The following NBAS variants were observed in gnomAD, a reference collection of about 807,000 sequenced individuals.
NBAS encodes the protein NBAS subunit of NRZ tethering complex.
NBAS carries 219 observed loss-of-function variants against 302.5 expected under a neutral mutation model. That is an observed-to-expected ratio of 0.72 (90% CI 0.65 to 0.81). The LOEUF (loss-of-function observed/expected upper bound fraction) is 0.81. Ranked by LOEUF, NBAS falls within the 30% of genes least tolerant of loss-of-function variation. The pLI, the probability that NBAS is intolerant of heterozygous loss-of-function variation, is 0.00. For missense variants in NBAS, 2,932 were observed against 2,841.6 expected (o/e 1.03, Z -0.72); for synonymous variants, 1,118 against 1,021.6 (o/e 1.09, Z -1.80).
At chr2:15,490,953 G>C (rs1680831476) in intron 11 of NBAS, among the ~76,000 whole-genome samples, 1 of 152,152 alleles carries the variant, frequency 6.6e-6, no homozygotes, top group African/African-American at 2.4e-5. Flanking sequence ...GAAATGCTCT[G>C]AAAGCAAGAA....
chr2:15,048,286 C>A, the NBAS span, among the ~76,000 whole-genome samples: 1 of 152,194 alleles, frequency 6.6e-6, no homozygotes, highest in Non-Finnish European at 1.5e-5. Flanking sequence ...CCATCCGTGC[C>A]GGATGCTCTT....
In NBAS at chr2:15,402,189, C is replaced by T; in HGVS notation, c.3050G>A (p.Cys1017Tyr). The change falls in exon 26 of 52, where the codon TGT (cysteine) becomes TAT (tyrosine). Residue 1017 changes from cysteine (C) to tyrosine (Y), a missense_variant. By Grantham distance (194) the Cys-to-Tyr change is radical. Coordinates refer to ENST00000281513, the MANE Select transcript of NBAS (RefSeq NM_015909.4). The part of the protein sequence containing the change: ...QLCLCYDLLE[C>Y]LPERGYGDKT... ...TTACCCATATCCTCTTTCTGGCAGA[C>T]ATTCTAGTAGGTCATAGCAAAGACA... The T allele has an allele frequency of 6.2e-7, 1 of 1,613,576 alleles. No homozygotes were observed. The highest frequency in any genetic ancestry group is 8.5e-7 in the Non-Finnish European group (1 of 1,179,652).
At position 15,366,634 on chromosome 2, in the gene NBAS, A is replaced by G; in HGVS notation, c.3763T>C (p.Cys1255Arg). The change falls in exon 32 of 52, where the codon TGC (cysteine) becomes CGC (arginine). Residue 1255 changes from cysteine (C) to arginine (R), a missense_variant. Transcript: ENST00000281513. ...IKECISQSPT[C>R]YKQSTKLLGL... Reference sequence around the variant, plus strand: ...AGAAGCTTGGTGGATTGTTTATAGCATGTGGGGGACTGGGAAATACACTCC... The same window carrying G: ...AGAAGCTTGGTGGATTGTTTATAGCGTGTGGGGGACTGGGAAATACACTCC... 1 of 1,614,148 alleles carries G rather than the reference A, an allele frequency of 6.2e-7. No homozygotes were observed. The highest frequency in any genetic ancestry group is 8.5e-7 in the Non-Finnish European group (1 of 1,180,002).
chr2:15,481,186 C>T (rs1381656193), intron 12 of NBAS, among the ~76,000 whole-genome samples: 1 of 152,168 alleles, frequency 6.6e-6, no homozygotes, highest in Non-Finnish European at 1.5e-5. Context: ...GAGTCATATT[C>T]TATTGTATGG....
intron 41 of NBAS, among the ~76,000 whole-genome samples, chr2:15,290,507 G>A (rs1474884301): frequency 6.6e-6 from 1 of 152,124 alleles, no homozygotes. Context: ...ATGATATAAG[G>A]CACGCCCTGC....
At chr2:15,404,659 C>T (rs1676322629) in intron 25 of NBAS, among the ~76,000 whole-genome samples, 1 of 151,794 alleles carries the variant, frequency 6.6e-6, no homozygotes, top group Non-Finnish European at 1.5e-5. Context: ...ATTACAGGTG[C>T]CCACAATCAC....
chr2:15,364,745 A>C (rs1674112706), intron 32 of NBAS, among the ~76,000 whole-genome samples: 1 of 152,110 alleles, frequency 6.6e-6, no homozygotes, highest in Admixed American at 6.5e-5. Flanking sequence ...CAGACATGTG[A>C]GTAATGCAGC....
chr2:15,329,118 T>C (rs1390218581), intron 36 of NBAS, among the ~76,000 whole-genome samples: 2 of 152,164 alleles, frequency 1.3e-5, no homozygotes, highest in South Asian at 2.1e-4. Flanking sequence ...TCTCTCCAAA[T>C]AGATTGTAAA....
intron 11 of NBAS, among the ~76,000 whole-genome samples, chr2:15,501,685 T>A (rs1420848959): frequency 1.4e-5 from 2 of 147,254 alleles, no homozygotes; most frequent in Non-Finnish European, 3.0e-5. Flanking sequence ...CGCCTCCCGG[T>A]TTTTTAAATG....
chr2:15,560,542 T>C (rs1028638243), intron 1 of NBAS, among the ~76,000 whole-genome samples: 2 of 151,888 alleles, frequency 1.3e-5, no homozygotes, highest in African/African-American at 4.8e-5. Flanking sequence ...CGAAAACATA[T>C]TCATCTCTGT....
At chr2:15,117,934 C>T in the NBAS span, among the ~76,000 whole-genome samples, 1 of 152,242 alleles carries the variant, frequency 6.6e-6, no homozygotes, top group Non-Finnish European at 1.5e-5. Flanking sequence ...TCTCAATATT[C>T]TGCCATGCAC....
At chr2:15,360,603 A>G (rs1292557678) in intron 32 of NBAS, among the ~76,000 whole-genome samples, 1 of 148,458 alleles carries the variant, frequency 6.7e-6, no homozygotes, top group East Asian at 2.0e-4. Context: ...ACTTGCCTCA[A>G]CCTTCCAAAG....
chr2:15,268,416 C>T (rs74671329), intron 44 of NBAS, among the ~76,000 whole-genome samples: 3,330 of 152,090 alleles, frequency 0.022, 80 homozygotes, highest in African/African-American at 0.054. Context: ...ATTTCAAAGG[C>T]GTGGTTTTTT....
the NBAS span, among the ~76,000 whole-genome samples, chr2:15,114,055 T>C: frequency 2.5e-4 from 38 of 152,156 alleles, no homozygotes; most frequent in East Asian, 7.0e-3. Context: ...ATCCAAATAT[T>C]AAATTACAGG....
the NBAS span, among the ~76,000 whole-genome samples, chr2:15,071,786 G>A: frequency 6.6e-6 from 1 of 151,994 alleles, no homozygotes; most frequent in Admixed American, 6.6e-5. Flanking sequence ...AGGGACTCAT[G>A]TTTTTTTCCC....
At chr2:15,283,999 G>A (rs958138956) in intron 42 of NBAS, among the ~76,000 whole-genome samples, 2 of 152,124 alleles carry the variant, frequency 1.3e-5, no homozygotes, top group Admixed American at 1.3e-4. Context: ...TCAGCCTTGA[G>A]TCTGGGGGGT....
intron 32 of NBAS, among the ~76,000 whole-genome samples, chr2:15,359,080 C>T (rs765515697): frequency 1.3e-5 from 2 of 152,158 alleles, no homozygotes; most frequent in East Asian, 3.9e-4. Flanking sequence ...ACTGTCAGTT[C>T]GCATCAAAAA....
At chr2:14,813,683 T>A in the NBAS span, among the ~76,000 whole-genome samples, 1 of 152,148 alleles carries the variant, frequency 6.6e-6, no homozygotes, top group South Asian at 2.1e-4. Context: ...TACTTATATG[T>A]AAAAGTTTGG....
chr2:14,830,698 G>A, the NBAS span, among the ~76,000 whole-genome samples: 861 of 152,194 alleles, frequency 5.7e-3, 4 homozygotes, highest in Non-Finnish European at 9.8e-3. Flanking sequence ...GTGAGTAGAG[G>A]GCAGCTTTGC....
Sources: gnomAD v4.1 joint callset for allele counts (sites outside exome capture counted in the v4.1 genomes callset) on GRCh38, gnomAD v4.1.1 for gene constraint, MANE v1.5 for transcripts, NCBI Gene and HGNC (gene_info 2026-07-23, HGNC 2026-07-21) for gene names.